DAB1: variants seen among roughly 807,000 people sequenced by gnomAD.
DAB1 encodes the protein DAB adaptor protein 1.
A neutral mutation model predicts 64.6 loss-of-function variants in DAB1; 15 were observed. The observed-to-expected ratio is 0.23, with a 90% CI of 0.16 to 0.36. The LOEUF (loss-of-function observed/expected upper bound fraction) is 0.36. Among genes scored for constraint, DAB1 ranks in the 10% least tolerant of loss-of-function variants. The probability of loss-of-function intolerance (pLI) is 1.00; values close to 1 mark genes in which losing one functional copy is unlikely to be tolerated. For missense variants in DAB1, 596 were observed against 706.7 expected (o/e 0.84, Z 1.78); for synonymous variants, 235 against 251.9 (o/e 0.93, Z 0.64).
chr1:57,310,657 A>C (rs186098293), intron 1 of DAB1, among the ~76,000 whole-genome samples: 1 of 152,306 alleles, frequency 6.6e-6, no homozygotes, highest in Non-Finnish European at 1.5e-5. Flanking sequence ...TAAAAGAAAA[A>C]AAAGAAAAAT....
At chr1:57,756,362 T>C (rs1254467960) in intron 6 of DAB1, among the ~76,000 whole-genome samples, 1 of 151,888 alleles carries the variant, frequency 6.6e-6, no homozygotes, top group East Asian at 1.9e-4. Flanking sequence ...AGGAGAAAGG[T>C]GTAGTGCAGT....
At chr1:57,759,131 G>C (rs1173447583) in intron 6 of DAB1, among the ~76,000 whole-genome samples, 1 of 151,904 alleles carries the variant, frequency 6.6e-6, no homozygotes, top group Non-Finnish European at 1.5e-5. Flanking sequence ...ACCCAGCCAG[G>C]AAAATGATAG....
chr1:57,163,267 G>A (rs1660924495), intron 2 of DAB1, among the ~76,000 whole-genome samples: 1 of 152,214 alleles, frequency 6.6e-6, no homozygotes, highest in African/African-American at 2.4e-5. Context: ...GATGAAACAA[G>A]GAGTGACTGG....
intron 4 of DAB1, among the ~76,000 whole-genome samples, chr1:57,120,869 G>A (rs1057118532): frequency 2.0e-5 from 3 of 152,108 alleles, no homozygotes; most frequent in Admixed American, 6.6e-5. Flanking sequence ...GGGCATTTGG[G>A]TTGCTTCCAC....
intron 1 of DAB1, among the ~76,000 whole-genome samples, chr1:57,403,090 A>C (rs972362788): frequency 6.6e-6 from 1 of 152,180 alleles, no homozygotes; most frequent in African/African-American, 2.4e-5. Flanking sequence ...GTTCTAGTCC[A>C]TACATTTTGG....
chr1:58,285,973 G>A (rs1190960095), intron 4 of DAB1, among the ~76,000 whole-genome samples: 1 of 152,120 alleles, frequency 6.6e-6, no homozygotes, highest in Non-Finnish European at 1.5e-5. Flanking sequence ...CAGACATGTA[G>A]ACCAATGGAA....
chr1:57,254,848 A>G (rs920294216), intron 2 of DAB1, among the ~76,000 whole-genome samples: 26 of 152,032 alleles, frequency 1.7e-4, no homozygotes, highest in African/African-American at 6.3e-4. Context: ...CTCATCTCCA[A>G]ACACACACAC....
At chr1:57,207,687 G>A (rs931525875) in intron 2 of DAB1, among the ~76,000 whole-genome samples, 5 of 150,736 alleles carry the variant, frequency 3.3e-5, no homozygotes, top group East Asian at 4.0e-4. Context: ...CTCGTGATCC[G>A]CCCGCCTCGG....
At chr1:58,474,474 A>T (rs1261351975) in intron 3 of DAB1, among the ~76,000 whole-genome samples, 2 of 152,092 alleles carry the variant, frequency 1.3e-5, no homozygotes, top group East Asian at 3.9e-4. Flanking sequence ...CATTGTGATA[A>T]GCTCAGGTCA....
chr1:57,925,309 G>A (rs1368531334), intron 5 of DAB1, among the ~76,000 whole-genome samples: 1 of 152,202 alleles, frequency 6.6e-6, no homozygotes, highest in African/African-American at 2.4e-5. Flanking sequence ...TATGTCATGA[G>A]AACCTTTTCA....
chr1:57,231,031 TA>T (rs1667637858), intron 2 of DAB1, among the ~76,000 whole-genome samples: 1 of 152,168 alleles, frequency 6.6e-6, no homozygotes, highest in Non-Finnish European at 1.5e-5. Flanking sequence ...ATAGTTGCAA[TA>T]AATGTTAGAT....
intron 4 of DAB1, among the ~76,000 whole-genome samples, chr1:57,101,931 C>G (rs550154923): frequency 2.3e-4 from 35 of 152,264 alleles, no homozygotes; most frequent in African/African-American, 8.2e-4. Flanking sequence ...AATTACCTAC[C>G]TAAAGCCATT....
At chr1:58,357,508 C>G (rs989584041) in intron 3 of DAB1, among the ~76,000 whole-genome samples, 3 of 152,130 alleles carry the variant, frequency 2.0e-5, no homozygotes, top group African/African-American at 7.2e-5. Context: ...GTCCAATAGG[C>G]ACTGGGCATT....
intron 1 of DAB1, among the ~76,000 whole-genome samples, chr1:57,382,583 C>A (rs550955877): frequency 6.6e-6 from 1 of 152,178 alleles, no homozygotes; most frequent in African/African-American, 2.4e-5. Flanking sequence ...AGGGAGAATC[C>A]ATTTCCTTGC....
chr1:57,011,267 T>C lies in DAB1; in HGVS notation c.1450A>G (p.Thr484Ala). Reference protein sequence around the residue: ...STTPSTNSPPTPAPRQSSPSK... With the variant: ...STTPSTNSPPAPAPRQSSPSK... ...GGAGAGCTCTGTCTAGGGGCTGGGG[T>C]TGGAGCTACACAGAGACCACAGAAA... The change falls in exon 13 of 15, where the codon ACC becomes GCC. Residue 484 changes from threonine (T) to alanine (A), a missense_variant. This residue lies in a region of DAB1 where 377 missense variants were observed against 400.4 expected (regional missense o/e 0.94). Coordinates refer to ENST00000371236, the MANE Select transcript of DAB1 (RefSeq NM_001365792.1). The C allele has an allele frequency of 1.9e-6, 3 of 1,613,826 alleles. No individual in the cohort carries two copies. Among genetic ancestry groups the C allele is most frequent in the Non-Finnish European group, 2.5e-6 (3 of 1,179,824 alleles).
At chr1:58,334,819 G>T (rs1437680713) in intron 4 of DAB1, among the ~76,000 whole-genome samples, 1 of 151,888 alleles carries the variant, frequency 6.6e-6, no homozygotes, top group Non-Finnish European at 1.5e-5. Context: ...ATTAGTAAAT[G>T]ATTGTTCAAT....
At chr1:57,394,960 C>A (rs1682683030) in intron 1 of DAB1, among the ~76,000 whole-genome samples, 1 of 152,172 alleles carries the variant, frequency 6.6e-6, no homozygotes, top group African/African-American at 2.4e-5. Context: ...AGGATATCAT[C>A]ATTAAAAATT....
chr1:57,113,744 C>T (rs1220189168), intron 4 of DAB1, among the ~76,000 whole-genome samples: 3 of 152,116 alleles, frequency 2.0e-5, no homozygotes, highest in Non-Finnish European at 4.4e-5. Flanking sequence ...GTAGTTTTGT[C>T]AACTCTGGCT....
At chr1:58,493,586 A>T (rs920885944) in intron 3 of DAB1, among the ~76,000 whole-genome samples, 2 of 151,468 alleles carry the variant, frequency 1.3e-5, no homozygotes, top group Admixed American at 1.3e-4. Context: ...ATACAAAATC[A>T]ATGTGCAAAA....
Sources: allele counts gnomAD v4.1 joint callset (sites outside exome capture counted in the v4.1 genomes callset), GRCh38; gene constraint gnomAD v4.1.1; regional missense constraint gnomAD v4.1.1; transcripts MANE v1.5; gene names NCBI Gene and HGNC (gene_info 2026-07-23, HGNC 2026-07-21).